ATMIN: variants seen among roughly 807,000 people sequenced by gnomAD.
ATMIN encodes ATM interactor, also known as ATM INteracting protein.
A neutral mutation model predicts 49.2 loss-of-function variants in ATMIN; 24 were observed. The observed-to-expected ratio is 0.49, with a 90% CI of 0.35 to 0.69. ATMIN has a LOEUF of 0.69. ATMIN is among the 30% of genes least tolerant of loss of function. The pLI is 0.00. For missense variants in ATMIN, 1,037 were observed against 1,005.5 expected, an observed-to-expected ratio of 1.03 and a Z score of -0.42; for synonymous variants, 450 against 392.5, an observed-to-expected ratio of 1.15 and a Z score of -1.73.
chr16:81,045,423 G>T lies in ATMIN; in HGVS notation c.*453G>T, dbSNP rs1971101303. 1 of 158,090 alleles carries T rather than the reference G, an allele frequency of 6.3e-6. No homozygotes were observed. The highest frequency in any genetic ancestry group is 1.9e-4 in the South Asian group (1 of 5,368). The allele number at this position is 158,090 out of a possible 1,614,324, so 9.8% of individuals were successfully genotyped here. ...CTGATTCCTGTTACTAATCACTAAA[G>T]AAACCGGATGCTGCCACCGTAGGAT... On this transcript the variant is annotated 3_prime_UTR_variant, in exon 4 of 4. Transcript: ENST00000299575.
Position 81,035,945 on chromosome 16 carries a change from C to G in ATMIN, c.75C>G (p.Ala25=). The G allele has an allele frequency of 3.0e-6, 3 of 1,010,358 alleles. No homozygotes were observed. Among genetic ancestry groups the G allele is most frequent in the Non-Finnish European group, 3.5e-6 (3 of 847,876 alleles). 62.6% of individuals were successfully genotyped at this position (1,010,358 alleles called of 1,614,324 possible). Residue 25 remains alanine, a synonymous_variant, in exon 1 of 4, where the codon GCC becomes GCG. Coordinates refer to ENST00000299575, the MANE Select transcript of ATMIN (RefSeq NM_015251.3). The part of the protein sequence containing the change: ...LAAGARAVPA[A]TTGAAAAASG... ...CGGGTGCCCGGGCCGTCCCGGCGGC[C>G]ACGACAGGAGCCGCCGCCGCCGCCT...
rs1478786014 is a variant in ATMIN at position 81,046,549 on chromosome 16, C to T, written c.*1579C>T. On this transcript the variant is annotated 3_prime_UTR_variant, in exon 4 of 4. Coordinates refer to ENST00000299575, the MANE Select transcript of ATMIN (RefSeq NM_015251.3). Reference sequence around the variant, plus strand: ...TGCTTTGTGTGTTTTGAGGTAGGAGCATGATCAAGTATGCTTTGGGGATTT... The same window carrying T: ...TGCTTTGTGTGTTTTGAGGTAGGAGTATGATCAAGTATGCTTTGGGGATTT... 6.6e-6 allele frequency: 1 copy of T among 151,936 alleles called. No homozygotes were observed. Among genetic ancestry groups the T allele is most frequent in the African/African-American group, 2.4e-5 (1 of 41,330 alleles). The allele number at this position is 151,936 out of a possible 1,614,324, so 9.4% of individuals were successfully genotyped here.
At chr16:81,042,024 CAG>C (rs1287084214) in intron 2 of ATMIN, among the ~76,000 whole-genome samples, 1 of 152,128 alleles carries the variant, frequency 6.6e-6, no homozygotes, top group Non-Finnish European at 1.5e-5. Context: ...ACTTACAGAT[CAG>C]AGTGTAAATG....
In ATMIN at chr16:81,043,832, T is replaced by G; in HGVS notation, c.1334T>G (p.Leu445Trp). 5.0e-6 allele frequency: 8 copies of G among 1,614,246 alleles called. No homozygotes were observed. Among genetic ancestry groups the G allele is most frequent in the Admixed American group, 1.7e-5 (1 of 60,028 alleles). Residue 445 changes from leucine to tryptophan, a missense_variant, in exon 4 of 4, where the codon TTG (leucine) becomes TGG (tryptophan). Leu to Trp is a moderately conservative substitution (Grantham distance 61, BLOSUM62 -2). Transcript: ENST00000299575. ...GTGTCGTCTTGTTCTCAAACTGATT[T>G]GTCGTTTGATTCTCAAGTGTCTCTT... is the stretch of plus-strand genomic sequence containing the variant. ...SSVSSCSQTD[L>W]SFDSQVSLPI...
At chr16:81,041,244 C>A in intron 1 of ATMIN, 112 bp from the exon 2 acceptor site, 1 of 1,208,058 alleles carries the variant, frequency 8.3e-7, no homozygotes, top group Non-Finnish European at 1.2e-6. Flanking sequence ...TGGAAAAACT[C>A]TTAATTAAAA....
chr16:81,039,818 G>T (rs909395920), intron 1 of ATMIN, among the ~76,000 whole-genome samples: 3 of 152,156 alleles, frequency 2.0e-5, no homozygotes, highest in Non-Finnish European at 1.5e-5. Context: ...TGTTTTTAAT[G>T]ATTTGCCAGA....
chr16:81,035,947 C>T lies in ATMIN; in HGVS notation c.77C>T (p.Thr26Met), dbSNP rs1461957368. ...AAGARAVPAATTGAAAAASGP... is the reference protein window; with the variant it reads ...AAGARAVPAAMTGAAAAASGP... ...GGTGCCCGGGCCGTCCCGGCGGCCA[C>T]GACAGGAGCCGCCGCCGCCGCCTCG... The change falls in exon 1 of 4, where the codon ACG becomes ATG. Residue 26 changes from threonine to methionine, a missense_variant. Physicochemically the swap from Thr to Met is moderately conservative, Grantham distance 81. Transcript: ENST00000299575. 2.0e-6 allele frequency: 2 copies of T among 1,012,060 alleles called. No homozygotes were observed. Among genetic ancestry groups the T allele is most frequent in the Non-Finnish European group, 2.4e-6 (2 of 849,084 alleles). 62.7% of individuals were successfully genotyped at this position (1,012,060 alleles called of 1,614,324 possible).
rs780431440 is a variant in ATMIN at position 81,043,827 on chromosome 16, T to C, written c.1329T>C (p.Thr443=). Residue 443 remains threonine (T), a synonymous_variant, in exon 4 of 4, where the codon ACT becomes ACC. Transcript: ENST00000299575. ...CCTCTGTGTCGTCTTGTTCTCAAAC[T>C]GATTTGTCGTTTGATTCTCAAGTGT... ...ADSSVSSCSQ[T]DLSFDSQVSL... is the part of the protein sequence containing the mutation. The C allele has an allele frequency of 1.2e-6, 2 of 1,614,258 alleles. No individual in the cohort carries two copies. The highest frequency in any genetic ancestry group is 8.5e-7 in the Non-Finnish European group (1 of 1,180,042).
intron 1 of ATMIN, among the ~76,000 whole-genome samples, chr16:81,039,084 C>T (rs1970995854): frequency 6.6e-6 from 1 of 152,168 alleles, no homozygotes; most frequent in Admixed American, 6.5e-5. Context: ...GAGTGAGCCA[C>T]TGCGCCAGGC....
In ATMIN at chr16:81,043,908, A is replaced by T; in HGVS notation, c.1410A>T (p.Ser470=). 6.2e-7 allele frequency: 1 copy of T among 1,614,154 alleles called. No homozygotes were observed. Among genetic ancestry groups the T allele is most frequent in the Admixed American group, 1.7e-5 (1 of 60,014 alleles). ...QTFLPSSKVT[S]SIAAQTDAFM... Reference sequence around the variant, plus strand: ...TTTTGCCCAGCTCTAAGGTAACTTCATCTATAGCTGCTCAGACTGATGCAT... The same window carrying T: ...TTTTGCCCAGCTCTAAGGTAACTTCTTCTATAGCTGCTCAGACTGATGCAT... The change falls in exon 4 of 4, where the codon TCA becomes TCT. Residue 470 remains serine (S), a synonymous_variant. Transcript: ENST00000299575.
chr16:81,042,196 A>G (rs930479782), intron 2 of ATMIN, 85 bp from the exon 3 acceptor site: 5 of 1,150,540 alleles, frequency 4.3e-6, no homozygotes, highest in Non-Finnish European at 2.6e-6. Context: ...GTGTAAAATC[A>G]TTATTAATTT....
chr16:81,036,213 C>A lies in ATMIN; in HGVS notation c.336+7C>A, dbSNP rs1177160135. ...CAAGAGCCACCGCCTGCAGGTGAGCCCGACGCGGCCGGCGGCCCGGGGGGC... is the reference window on the plus strand; with the variant it reads ...CAAGAGCCACCGCCTGCAGGTGAGCACGACGCGGCCGGCGGCCCGGGGGGC... On this transcript the variant is annotated splice_region_variant and intron_variant, in intron 1 of 3. Transcript: ENST00000299575. 3 of 1,412,210 alleles carry A rather than the reference C, an allele frequency of 2.1e-6. No individual in the cohort carries two copies. The highest frequency in any genetic ancestry group is 1.9e-6 in the Non-Finnish European group (2 of 1,074,530). The allele number at this position is 1,412,210 out of a possible 1,614,324, so 87.5% of individuals were successfully genotyped here. A position where few individuals can be genotyped will look rare whatever the true frequency, so the allele number is the denominator to read the frequency against.
In ATMIN at chr16:81,046,360, A is replaced by C. The variant is rs2151742202; in HGVS notation, c.*1390A>C. The stretch of plus-strand genomic sequence containing the variant: ...CCATTCTTTATCTTTTCTTTGAATA[A>C]GAAAAAGTATCTAGCAAGGATATTA... On this transcript the variant is annotated 3_prime_UTR_variant, in exon 4 of 4. Transcript: ENST00000299575. 1 of 152,346 alleles carries C rather than the reference A, an allele frequency of 6.6e-6. No homozygotes were observed. Among genetic ancestry groups the C allele is most frequent in the Admixed American group, 6.5e-5 (1 of 15,306 alleles). The allele number at this position is 152,346 out of a possible 1,614,324, so 9.4% of individuals were successfully genotyped here.
rs56038631 is a variant in ATMIN at position 81,046,661 on chromosome 16, GACACACACACACACAC to G, written c.*1706_*1721del. ...GTGCAGCCTGTAAGTTCTCCACATT[GACACACACACACACAC>G]ACACACACACACACGACATGCTCCT... On this transcript the variant is annotated 3_prime_UTR_variant, in exon 4 of 4. Transcript: ENST00000299575. The G allele has an allele frequency of 1.4e-5, 2 of 147,218 alleles. No individual in the cohort carries two copies. The highest frequency in any genetic ancestry group is 5.0e-5 in the African/African-American group (2 of 40,040). The allele number at this position is 147,218 out of a possible 1,614,324, so 9.1% of individuals were successfully genotyped here.
Position 81,045,161 on chromosome 16 carries a change from T to G in ATMIN, c.*191T>G, listed in dbSNP as rs1971098214. On this transcript the variant is annotated 3_prime_UTR_variant, in exon 4 of 4. Coordinates refer to ENST00000299575, the MANE Select transcript of ATMIN (RefSeq NM_015251.3). ...ATAAATGTGAGTGTATTATAAAGTT[T>G]GAGATGTTGATCTAAATTGTTTTTG... 11 of 704,774 alleles carry G rather than the reference T, an allele frequency of 1.6e-5. No homozygotes were observed. The South Asian group carries it at 2.6e-4, about 17-fold the overall frequency. The allele number at this position is 704,774 out of a possible 1,614,324, so 43.7% of individuals were successfully genotyped here.
chr16:81,037,199 A>G, intron 1 of ATMIN: 1 of 985,486 alleles, frequency 1.0e-6, no homozygotes, highest in Non-Finnish European at 1.2e-6. Context: ...GCCAGCAGTG[A>G]CATAATTCAA....
Position 81,035,851 on chromosome 16 carries a change from C to G in ATMIN, c.-20C>G, listed in dbSNP as rs947932042. 3.8e-6 allele frequency: 3 copies of G among 795,498 alleles called. No homozygotes were observed. The highest frequency in any genetic ancestry group is 1.3e-4 in the East Asian group (1 of 7,870). The allele number at this position is 795,498 out of a possible 1,614,324, so 49.3% of individuals were successfully genotyped here. On this transcript the variant is annotated 5_prime_UTR_variant, in exon 1 of 4. Coordinates refer to ENST00000299575, the MANE Select transcript of ATMIN (RefSeq NM_015251.3). ...CGGGGGCGGGGCCTACGAACTGGGC[C>G]GGGCGGCCGTGCGGGAGCCATGGCG...
In ATMIN at chr16:81,043,105, A is replaced by G. The variant is rs188789934; in HGVS notation, c.663-56A>G. ...CATTTGTAAGTGAGGATAGAGTGTC[A>G]TGGTCGAAGAAAGTTGTATTTTAAG... is the stretch of plus-strand genomic sequence containing the variant. On this transcript the variant is annotated intron_variant, in intron 3 of 3. Transcript: ENST00000299575. 3,074 of 1,538,044 alleles carry G rather than the reference A, an allele frequency of 2.0e-3. 9 individuals are homozygous for G. The highest frequency in any genetic ancestry group is 2.4e-3 in the Non-Finnish European group (2,729 of 1,147,334).
rs1401186783 is a variant in ATMIN at position 81,046,830 on chromosome 16, G to GTGTT, written c.*1861_*1864dup. ...ATCCCATACATTTGACACAAAAGAA[G>GTGTT]TGTTGGTAATGGATAAATAACATAT... is the stretch of plus-strand genomic sequence containing the variant. On this transcript the variant is annotated 3_prime_UTR_variant, in exon 4 of 4. Transcript: ENST00000299575. 2.0e-5 allele frequency: 3 copies of GTGTT among 152,650 alleles called. No individual in the cohort carries two copies. The highest frequency in any genetic ancestry group is 7.2e-5 in the African/African-American group (3 of 41,456). The allele number at this position is 152,650 out of a possible 1,614,324, so 9.5% of individuals were successfully genotyped here.
Sources: gnomAD v4.1 joint callset for allele counts (sites outside exome capture counted in the v4.1 genomes callset) on GRCh38, gnomAD v4.1.1 for gene constraint, MANE v1.5 for transcripts, NCBI Gene and HGNC (gene_info 2026-07-23, HGNC 2026-07-21) for gene names.